The following PTP4A3 variants were observed in gnomAD, a reference collection of about 807,000 sequenced individuals.
The protein encoded by PTP4A3 is protein tyrosine phosphatase 4A3, also known as protein tyrosine phosphatase type IVA 3.
A neutral mutation model predicts 15.2 loss-of-function variants in PTP4A3; 9 were observed. The ratio of observed to expected loss-of-function variants is 0.59; its 90% CI spans 0.36 to 1.03. The LOEUF (loss-of-function observed/expected upper bound fraction) is 1.03. Ranked by LOEUF, PTP4A3 falls within the 50% of genes least tolerant of loss-of-function variation. PTP4A3 has a pLI of 0.02. For synonymous variants in PTP4A3, 95 were observed against 102.0 expected (o/e 0.93, Z 0.41); for missense variants, 234 against 252.1 (o/e 0.93, Z 0.49).
At chr8:141,428,189 C>G (rs1051402692) in intron 5 of PTP4A3, among the ~76,000 whole-genome samples, 4 of 152,156 alleles carry the variant, frequency 2.6e-5, no homozygotes, top group Admixed American at 1.3e-4. Context: ...CACACCACAC[C>G]GTGTCCACCC....
At chr8:141,418,292 G>A (rs116109786) in intron 1 of PTP4A3, among the ~76,000 whole-genome samples, 2 of 152,232 alleles carry the variant, frequency 1.3e-5, no homozygotes, top group Non-Finnish European at 2.9e-5. Flanking sequence ...GGGGCGCCCT[G>A]TCTGAAGCGG....
chr8:141,424,164 G>GC (rs1301896921), intron 2 of PTP4A3, among the ~76,000 whole-genome samples: 4 of 152,116 alleles, frequency 2.6e-5, no homozygotes, highest in African/African-American at 9.7e-5. Flanking sequence ...ATAGTTGGGT[G>GC]CTGGCCTCTC....
intron 5 of PTP4A3, among the ~76,000 whole-genome samples, chr8:141,429,653 G>A (rs1205450869): frequency 6.6e-5 from 3 of 45,198 alleles, no homozygotes; most frequent in Non-Finnish European, 8.4e-5. Flanking sequence ...GGGACAGGGT[G>A]AGCACACAGT....
intron 5 of PTP4A3, among the ~76,000 whole-genome samples, chr8:141,428,805 C>A (rs1454157984): frequency 9.7e-5 from 14 of 144,034 alleles, no homozygotes; most frequent in Admixed American, 9.4e-4. Flanking sequence ...TACGCAGGCA[C>A]ACACTCACAG....
intron 1 of PTP4A3, among the ~76,000 whole-genome samples, chr8:141,403,250 G>A (rs77021800): frequency 1.1e-3 from 172 of 152,340 alleles, no homozygotes; most frequent in African/African-American, 3.7e-3. Flanking sequence ...GCGGCCTCGC[G>A]CGGGGCCAAG....
intron 1 of PTP4A3, among the ~76,000 whole-genome samples, chr8:141,405,377 C>T (rs527817403): frequency 6.6e-6 from 1 of 152,364 alleles, no homozygotes; most frequent in South Asian, 2.1e-4. Flanking sequence ...CCAGGCCCCC[C>T]AACCTCCGGG....
intron 2 of PTP4A3, among the ~76,000 whole-genome samples, chr8:141,424,762 T>C (rs79850270): frequency 0.087 from 13,274 of 151,942 alleles, 686 homozygotes; most frequent in Middle Eastern, 0.19. Context: ...AGACACTACC[T>C]CGACCAGTAG....
In PTP4A3 at chr8:141,426,998, C is replaced by G. The variant is rs905746411; in HGVS notation, c.258C>G (p.Ser86Arg). 3.7e-6 allele frequency: 6 copies of G among 1,607,032 alleles called. No homozygotes were observed. The African/African-American group carries it at 6.7e-5, about 18-fold the overall frequency. The stretch of plus-strand genomic sequence containing the variant: ...GCAAGGTAGTGGAAGACTGGCTGAG[C>G]CTGGTGAAGGCCAAGTTCTGTGAGG... ...PPGKVVEDWL[S>R]LVKAKFCEAP... The change falls in exon 4 of 6, where the codon AGC becomes AGG. Residue 86 changes from serine to arginine, a missense_variant. Physicochemically the swap from Ser to Arg is moderately radical, Grantham distance 110. Coordinates refer to ENST00000521578, the MANE Select transcript of PTP4A3 (RefSeq NM_032611.3).
At chr8:141,418,369 C>G (rs1362593009) in intron 1 of PTP4A3, among the ~76,000 whole-genome samples, 1 of 152,214 alleles carries the variant, frequency 6.6e-6, no homozygotes, top group Non-Finnish European at 1.5e-5. Flanking sequence ...CCCTGAACCT[C>G]GATTTCCTCT....
intron 1 of PTP4A3, among the ~76,000 whole-genome samples, chr8:141,397,174 GGGGCTC>G (rs1832472817): frequency 6.6e-6 from 1 of 152,196 alleles, no homozygotes; most frequent in South Asian, 2.1e-4. Flanking sequence ...CAGGGAAGCC[GGGGCTC>G]GGGGAAGGTG....
chr8:141,421,028 A>G (rs1185775527), intron 1 of PTP4A3, among the ~76,000 whole-genome samples: 1 of 152,092 alleles, frequency 6.6e-6, no homozygotes, highest in South Asian at 2.1e-4. Flanking sequence ...GCTTCTTAGG[A>G]ACTCGGCCTC....
intron 2 of PTP4A3, among the ~76,000 whole-genome samples, chr8:141,422,844 T>C (rs1833399562): frequency 6.6e-6 from 1 of 152,194 alleles, no homozygotes; most frequent in Admixed American, 6.5e-5. Context: ...GAGGGACCAC[T>C]GTGCCCTGGA....
chr8:141,393,567 GCC>G (rs1832355375), intron 1 of PTP4A3, among the ~76,000 whole-genome samples: 2 of 152,246 alleles, frequency 1.3e-5, no homozygotes, highest in Non-Finnish European at 2.9e-5. Flanking sequence ...TTGCGGACAG[GCC>G]CCCGCAGGCA....
At chr8:141,409,316 C>T (rs79344297) in intron 1 of PTP4A3, among the ~76,000 whole-genome samples, 9,128 of 152,316 alleles carry the variant, frequency 0.06, 922 homozygotes, top group African/African-American at 0.21. Context: ...TAGGGATCAG[C>T]TCCTGTGAGC....
At chr8:141,426,792 C>G in intron 3 of PTP4A3, 147 bp from the exon 4 acceptor site, 1 of 1,420,218 alleles carries the variant, frequency 7.0e-7, no homozygotes, top group Non-Finnish European at 9.4e-7. Context: ...CTGTGCCCCT[C>G]CTGTGTGCCC....
At chr8:141,418,011 C>T (rs979761772) in intron 1 of PTP4A3, among the ~76,000 whole-genome samples, 5 of 151,968 alleles carry the variant, frequency 3.3e-5, no homozygotes, top group Non-Finnish European at 7.4e-5. Flanking sequence ...GGGACGCCTG[C>T]GGCGCGGGTG....
chr8:141,425,008 C>CCCCAG lies in PTP4A3; in HGVS notation c.106-31_106-27dup, dbSNP rs757901088. 4 of 1,550,216 alleles carry CCCCAG rather than the reference C, an allele frequency of 2.6e-6. No homozygotes were observed. The highest frequency in any genetic ancestry group is 3.5e-6 in the Non-Finnish European group (4 of 1,126,952). On this transcript the variant is annotated intron_variant, in intron 2 of 5. Coordinates refer to ENST00000521578, the MANE Select transcript of PTP4A3 (RefSeq NM_032611.3). The surrounding 1 kb of genome is among the most constrained non-coding windows in gnomAD (Gnocchi z 4.2). ...GGGTCCTGCCCCCTGAGCCCTGCAG[C>CCCCAG]CCCAGCCCAGCCCTGCCTCCTCCGT...
chr8:141,405,990 C>T (rs1467718201), intron 1 of PTP4A3, among the ~76,000 whole-genome samples: 4 of 151,950 alleles, frequency 2.6e-5, no homozygotes, highest in Admixed American at 2.6e-4. Context: ...GGTCAGAGGG[C>T]AGGGAGCAGC....
chr8:141,405,365 C>T, intron 1 of PTP4A3, among the ~76,000 whole-genome samples: 1 of 152,234 alleles, frequency 6.6e-6, no homozygotes, highest in Non-Finnish European at 1.5e-5. Flanking sequence ...ACGCTCCTTC[C>T]TCCAGGCCCC....
Sources: gnomAD v4.1 joint callset for allele counts (sites outside exome capture counted in the v4.1 genomes callset) on GRCh38, gnomAD v4.1.1 for gene constraint, Gnocchi (gnomAD v3.1) non-coding constraint, MANE v1.5 for transcripts, NCBI Gene and HGNC (gene_info 2026-07-23, HGNC 2026-07-21) for gene names.